Variants in TPRG1 observed in about 807,000 individuals in gnomAD.
The protein encoded by TPRG1 is tumor protein p63-regulated gene 1 protein.
In TPRG1, 29 loss-of-function variants were observed where a neutral mutation model predicts 29.3. The ratio of observed to expected loss-of-function variants is 0.99; its 90% CI spans 0.74 to 1.35. TPRG1 has a LOEUF of 1.35. Ranked by LOEUF, TPRG1 falls within the 40% of genes most tolerant of loss-of-function variation. TPRG1 has a pLI of 0.00. For synonymous variants in TPRG1, 130 were observed against 116.8 expected, an observed-to-expected ratio of 1.11 and a Z score of -0.73; for missense variants, 327 against 335.0, an observed-to-expected ratio of 0.98 and a Z score of 0.19.
intron 4 of TPRG1, among the ~76,000 whole-genome samples, chr3:189,280,490 C>T (rs1716942692): frequency 6.6e-6 from 1 of 152,046 alleles, no homozygotes; most frequent in African/African-American, 2.4e-5. Context: ...CTTTTTTATG[C>T]CCCTCTTTCC....
At chr3:189,235,760 A>ACAC (rs1739360461) in intron 3 of TPRG1, among the ~76,000 whole-genome samples, 2 of 152,152 alleles carry the variant, frequency 1.3e-5, no homozygotes, top group Non-Finnish European at 2.9e-5. Context: ...ATGCCTGGAT[A>ACAC]TGGTGTCTCA....
chr3:189,232,234 T>C (rs984995807), intron 3 of TPRG1, among the ~76,000 whole-genome samples: 5 of 152,206 alleles, frequency 3.3e-5, no homozygotes, highest in Non-Finnish European at 7.3e-5. Flanking sequence ...TGTCTTATAC[T>C]AAGTGCACCT....
At chr3:189,283,434 G>A (rs1421459298) in intron 4 of TPRG1, among the ~76,000 whole-genome samples, 2 of 152,092 alleles carry the variant, frequency 1.3e-5, no homozygotes, top group Non-Finnish European at 2.9e-5. Flanking sequence ...TAGAAATTAA[G>A]AAACAAACAA....
intron 4 of TPRG1, among the ~76,000 whole-genome samples, chr3:189,026,783 G>A (rs750433393): frequency 6.6e-6 from 1 of 152,094 alleles, no homozygotes; most frequent in African/African-American, 2.4e-5. Flanking sequence ...AACATGGAAC[G>A]AAGCTGTGCT....
intron 2 of TPRG1, among the ~76,000 whole-genome samples, chr3:189,209,897 T>C (rs1311393120): frequency 1.3e-5 from 2 of 152,204 alleles, no homozygotes; most frequent in Non-Finnish European, 2.9e-5. Context: ...AGATACTCAG[T>C]GTTTGCCCTC....
intron 3 of TPRG1, among the ~76,000 whole-genome samples, chr3:189,005,575 A>G (rs1712245602): frequency 6.6e-6 from 1 of 152,162 alleles, no homozygotes; most frequent in Non-Finnish European, 1.5e-5. Context: ...ACTTTTAAGC[A>G]TTAATAATTC....
chr3:189,183,549 A>G (rs1296780850), intron 1 of TPRG1, among the ~76,000 whole-genome samples: 1 of 152,068 alleles, frequency 6.6e-6, no homozygotes, highest in Non-Finnish European at 1.5e-5. Flanking sequence ...TCACCCCTAC[A>G]GTTTTGATCA....
rs556004853 is a variant in TPRG1, at chr3:189,296,861, T to C, written c.480-13525T>C. Among the ~76,000 whole-genome samples, 12 of 152,336 alleles carry C rather than the reference T, an allele frequency of 7.9e-5. No homozygotes were observed. In the East Asian group the frequency reaches 2.3e-3, roughly 29 times the overall value. Reference sequence around the variant, plus strand: ...ACAAACCTTATACTAGTCTGTTTCCTTGATAAAAATATTTTTTGAAGACTT... The same window carrying C: ...ACAAACCTTATACTAGTCTGTTTCCCTGATAAAAATATTTTTTGAAGACTT... On this transcript the variant is annotated intron_variant, in intron 4 of 5. Coordinates refer to ENST00000345063, the MANE Select transcript of TPRG1 (RefSeq NM_198485.4).
chr3:189,176,203 T>C (rs555763043), intron 1 of TPRG1, among the ~76,000 whole-genome samples: 3 of 152,208 alleles, frequency 2.0e-5, no homozygotes, highest in South Asian at 2.1e-4. Context: ...GTGTGTGGGA[T>C]TGGCTTAGAG....
chr3:189,196,628 G>A (rs894753381), intron 1 of TPRG1, among the ~76,000 whole-genome samples: 5 of 152,128 alleles, frequency 3.3e-5, no homozygotes, highest in Admixed American at 3.3e-4. Flanking sequence ...CCATGACTCA[G>A]TTACCTCCCA....
At chr3:189,239,692 T>C (rs902181441) in intron 4 of TPRG1, among the ~76,000 whole-genome samples, 1 of 152,266 alleles carries the variant, frequency 6.6e-6, no homozygotes, top group Non-Finnish European at 1.5e-5. Context: ...CCTCTGGGAA[T>C]TGAAATTATT....
intron 3 of TPRG1, among the ~76,000 whole-genome samples, chr3:189,019,378 T>C (rs1393786442): frequency 6.6e-6 from 1 of 152,230 alleles, no homozygotes; most frequent in East Asian, 1.9e-4. Context: ...TTGTCGTAGA[T>C]AGCTCTTATT....
chr3:189,235,060 G>A (rs1739243853), intron 3 of TPRG1, among the ~76,000 whole-genome samples: 1 of 152,102 alleles, frequency 6.6e-6, no homozygotes, highest in Non-Finnish European at 1.5e-5. Context: ...TAAAGGAAAT[G>A]GAGTGGAGGG....
chr3:189,012,538 T>C (rs893049800), intron 3 of TPRG1, among the ~76,000 whole-genome samples: 1 of 151,878 alleles, frequency 6.6e-6, no homozygotes, highest in African/African-American at 2.4e-5. Context: ...GTATTTTGTT[T>C]TCAATTTTTC....
At chr3:189,054,487 A>G (rs1302304192) in intron 4 of TPRG1, among the ~76,000 whole-genome samples, 1 of 151,724 alleles carries the variant, frequency 6.6e-6, no homozygotes, top group Non-Finnish European at 1.5e-5. Flanking sequence ...TAATATTGTA[A>G]TTATTTTTGG....
chr3:189,076,923 C>CATATATATATATATAT (rs150949911), intron 4 of TPRG1, among the ~76,000 whole-genome samples: 16 of 140,672 alleles, frequency 1.1e-4, no homozygotes, highest in African/African-American at 4.6e-4. Context: ...TATATGTGTA[C>CATATATATATATATAT]ATATATATAT....
At chr3:189,052,500 A>G (rs1715386864) in intron 4 of TPRG1, among the ~76,000 whole-genome samples, 1 of 152,252 alleles carries the variant, frequency 6.6e-6, no homozygotes, top group Admixed American at 6.5e-5. Flanking sequence ...GTGGGAATGT[A>G]AAGTAGCACA....
chr3:189,167,105 G>C (rs1450453186), upstream of TPRG1, among the ~76,000 whole-genome samples: 1 of 152,190 alleles, frequency 6.6e-6, no homozygotes, highest in Non-Finnish European at 1.5e-5. Context: ...GGTTGCCTGA[G>C]TCGGCTGTGA....
upstream of TPRG1, among the ~76,000 whole-genome samples, chr3:189,169,513 A>G (rs1255704060): frequency 6.6e-6 from 1 of 152,184 alleles, no homozygotes; most frequent in African/African-American, 2.4e-5. Flanking sequence ...ACAGAGAGAA[A>G]TGATCTCTGA....
Sources: allele counts gnomAD v4.1 joint callset (sites outside exome capture counted in the v4.1 genomes callset), GRCh38; gene constraint gnomAD v4.1.1; transcripts MANE v1.5; gene names NCBI Gene and HGNC (gene_info 2026-07-23, HGNC 2026-07-21).